Variants in CNTN6 observed in about 807,000 individuals in gnomAD.
CNTN6 encodes the protein contactin-6.
CNTN6 carries 137 observed loss-of-function variants against 122.8 expected under a neutral mutation model. The observed-to-expected ratio is 1.12, with a 90% CI of 0.97 to 1.29. The LOEUF (loss-of-function observed/expected upper bound fraction) is 1.29, where lower values mean the gene tolerates loss of function less well. Among genes scored for constraint, CNTN6 ranks in the 50% most tolerant of loss-of-function variants. CNTN6 has a pLI of 0.00. For missense variants in CNTN6, 1,634 were observed against 1,223.4 expected, an observed-to-expected ratio of 1.34 and a Z score of -5.01; for synonymous variants, 570 against 426.0, an observed-to-expected ratio of 1.34 and a Z score of -4.16.
At chr3:1,312,697 T>A (rs940233390) in intron 7 of CNTN6, among the ~76,000 whole-genome samples, 9 of 152,080 alleles carry the variant, frequency 5.9e-5, no homozygotes, top group African/African-American at 1.9e-4. Flanking sequence ...AAGCACATGT[T>A]ATACACCCTA....
chr3:1,285,981 GA>G (rs1462016718), intron 5 of CNTN6, among the ~76,000 whole-genome samples: 5 of 152,122 alleles, frequency 3.3e-5, no homozygotes, highest in African/African-American at 1.2e-4. Context: ...CAGCTCTCTA[GA>G]AAGTTTATTT....
chr3:1,330,545 C>T (rs1033238224), intron 11 of CNTN6, among the ~76,000 whole-genome samples: 6 of 151,822 alleles, frequency 4.0e-5, no homozygotes, highest in Admixed American at 6.6e-5. Flanking sequence ...TCTATTGTAC[C>T]GTAGAGCCTT....
intron 5 of CNTN6, among the ~76,000 whole-genome samples, chr3:1,289,160 A>G (rs1401142052): frequency 3.4e-5 from 5 of 149,020 alleles, no homozygotes; most frequent in African/African-American, 9.9e-5. Flanking sequence ...GAAGGTTTTT[A>G]AACTTCCAGT....
intron 1 of CNTN6, among the ~76,000 whole-genome samples, chr3:1,100,159 T>C (rs1025775034): frequency 3.3e-5 from 5 of 151,514 alleles, no homozygotes; most frequent in Non-Finnish European, 7.4e-5. Flanking sequence ...CTAGATTCTC[T>C]TCTTGTGCTC....
intron 1 of CNTN6, among the ~76,000 whole-genome samples, chr3:1,147,152 AAT>A (rs1423677194): frequency 3.9e-5 from 6 of 152,110 alleles, no homozygotes; most frequent in Admixed American, 6.6e-5. Flanking sequence ...GTTGCAAGAA[AAT>A]ATGTTTCCAC....
rs144055237 is a variant in CNTN6, at chr3:1,148,022, G to C, written c.14G>C (p.Trp5Ser). MRLLWKLVILLPLIN... is the reference protein window; with the variant it reads MRLLSKLVILLPLIN... Reference sequence around the variant, plus strand: ...TAGAAAGTGGAAATGAGGTTGCTATGGAAACTGGTAATTCTGCTGCCACTC... The same window carrying C: ...TAGAAAGTGGAAATGAGGTTGCTATCGAAACTGGTAATTCTGCTGCCACTC... The change falls in exon 2 of 23, where the codon TGG (tryptophan) becomes TCG (serine). Residue 5 changes from tryptophan (W) to serine (S), a missense_variant. Coordinates refer to ENST00000446702, the MANE Select transcript of CNTN6 (RefSeq NM_001289080.2). 86 of 1,607,292 alleles carry C rather than the reference G, an allele frequency of 5.4e-5. 1 individual carries two copies. The African/African-American group carries it at 1.0e-3, about 19-fold the overall frequency.
At position 1,259,720 on chromosome 3, in the gene CNTN6, C is replaced by G. The variant is rs192328064; in HGVS notation, c.359-18693C>G. Among the ~76,000 whole-genome samples, 3 of 152,164 alleles carry G rather than the reference C, an allele frequency of 2.0e-5. No individual in the cohort carries two copies. The East Asian group carries it at 5.8e-4, about 29-fold the overall frequency. ...CATTCTGAGCCTTAATTTTCTCATT[C>G]ATGAAACTAGAAAAACACTAGCTCT... On this transcript the variant is annotated intron_variant, in intron 4 of 22. Coordinates refer to ENST00000446702, the MANE Select transcript of CNTN6 (RefSeq NM_001289080.2).
chr3:1,237,612 G>C (rs1329380263), intron 4 of CNTN6, among the ~76,000 whole-genome samples: 1 of 152,140 alleles, frequency 6.6e-6, no homozygotes, highest in Non-Finnish European at 1.5e-5. Flanking sequence ...GTTATCTAAA[G>C]TTGAGACAAA....
intron 2 of CNTN6, among the ~76,000 whole-genome samples, chr3:1,198,940 G>A (rs886467991): frequency 6.6e-6 from 1 of 152,076 alleles, no homozygotes; most frequent in Admixed American, 6.5e-5. Context: ...GTCTCTATGA[G>A]AAAAGAATAG....
chr3:1,193,305 GTAT>G lies in CNTN6; in HGVS notation c.56-27378_56-27376del, dbSNP rs527307853. ...CTCAGCTAACCAGCATTAAGTGGAA[GTAT>G]TATGTCTTGGCACTGAAGAATATAG... is the stretch of plus-strand genomic sequence containing the variant. On this transcript the variant is annotated intron_variant, in intron 2 of 22. Transcript: ENST00000446702. 2.0e-3 allele frequency among the ~76,000 whole-genome samples: 299 copies of G among 152,288 alleles called. 1 individual carries two copies. The highest frequency in any genetic ancestry group is 3.3e-3 in the Admixed American group (51 of 15,276).
chr3:1,254,463 C>G (rs2094720710), intron 4 of CNTN6, among the ~76,000 whole-genome samples: 2 of 152,046 alleles, frequency 1.3e-5, no homozygotes, highest in African/African-American at 4.8e-5. Context: ...AAATTTAATC[C>G]TGTTTTTTCA....
chr3:1,393,568 AAAAAAAG>A (rs1220138638), intron 20 of CNTN6, among the ~76,000 whole-genome samples: 20 of 144,412 alleles, frequency 1.4e-4, no homozygotes, highest in African/African-American at 3.7e-4. Flanking sequence ...AAAAAAAAAA[AAAAAAAG>A]AAACTCTTGT....
At chr3:1,132,852 A>G (rs2092375553) in intron 1 of CNTN6, among the ~76,000 whole-genome samples, 1 of 152,066 alleles carries the variant, frequency 6.6e-6, no homozygotes, top group African/African-American at 2.4e-5. Context: ...TTTATTTAAA[A>G]AAGTCTTATG....
intron 10 of CNTN6, among the ~76,000 whole-genome samples, chr3:1,328,107 G>T (rs1701795664): frequency 6.6e-6 from 1 of 150,792 alleles, no homozygotes; most frequent in African/African-American, 2.4e-5. Context: ...AGAAGAGCGA[G>T]GTTACAGAAA....
intron 4 of CNTN6, among the ~76,000 whole-genome samples, chr3:1,235,735 G>A (rs527590747): frequency 5.3e-5 from 8 of 152,222 alleles, no homozygotes; most frequent in Admixed American, 1.3e-4. Flanking sequence ...CTGGATCACC[G>A]CTGCAGGCTC....
intron 11 of CNTN6, among the ~76,000 whole-genome samples, chr3:1,332,049 A>T (rs1702365795): frequency 6.6e-6 from 1 of 151,954 alleles, no homozygotes; most frequent in African/African-American, 2.4e-5. Flanking sequence ...TTTATACATT[A>T]TTCTTTCATT....
At chr3:1,111,695 C>A (rs2091487346) in intron 1 of CNTN6, among the ~76,000 whole-genome samples, 1 of 152,098 alleles carries the variant, frequency 6.6e-6, no homozygotes, top group Admixed American at 6.6e-5. Context: ...CAACACATAT[C>A]TTATTATATT....
rs373408724 is a variant in CNTN6 at position 1,368,181 on chromosome 3, A to G, written c.1493-4118A>G. Among the ~76,000 whole-genome samples the G allele has an allele frequency of 3.3e-5, 5 of 152,338 alleles. 1 individual carries two copies. Among genetic ancestry groups the G allele is most frequent in the African/African-American group, 1.2e-4 (5 of 41,590 alleles). On this transcript the variant is annotated intron_variant, in intron 12 of 22. Coordinates refer to ENST00000446702, the MANE Select transcript of CNTN6 (RefSeq NM_001289080.2). ...TGAGTTTTGCTTTGTAATTGAAGAT[A>G]CAAAAATGGAATGGTAAAACAGGCA...
At chr3:1,307,140 C>T (rs558904864) in intron 7 of CNTN6, among the ~76,000 whole-genome samples, 3 of 152,148 alleles carry the variant, frequency 2.0e-5, no homozygotes, top group Non-Finnish European at 4.4e-5. Flanking sequence ...ATTGATGTAA[C>T]AATGTGCAAT....
Sources: gnomAD v4.1 joint callset for allele counts (sites outside exome capture counted in the v4.1 genomes callset) on GRCh38, gnomAD v4.1.1 for gene constraint, MANE v1.5 for transcripts, NCBI Gene and HGNC (gene_info 2026-07-23, HGNC 2026-07-21) for gene names.